NCOR1: variants seen among roughly 807,000 people sequenced by gnomAD.
The protein encoded by NCOR1 is protein phosphatase 1, regulatory subunit 109.
In NCOR1, 63 loss-of-function variants were observed where a neutral mutation model predicts 288.1. That is an observed-to-expected ratio of 0.22 (90% confidence interval 0.18 to 0.27). The LOEUF (loss-of-function observed/expected upper bound fraction) is 0.27. NCOR1 is among the 10% of genes least tolerant of loss of function. NCOR1 has a pLI of 1.00. For missense variants in NCOR1, 2,397 were observed against 3,019.2 expected (o/e 0.79, Z 4.83); for synonymous variants, 1,007 against 1,065.9 (o/e 0.94, Z 1.08).
intron 6 of NCOR1, among the ~76,000 whole-genome samples, chr17:16,158,335 A>G (rs1367503033): frequency 1.3e-5 from 2 of 152,186 alleles, no homozygotes; most frequent in East Asian, 3.9e-4. Context: ...TAATGCTGAT[A>G]AGAAAGTTCA....
intron 12 of NCOR1, 43 bp from the exon 13 acceptor site, chr17:16,138,255 T>C (rs753890546): frequency 2.0e-6 from 3 of 1,525,006 alleles, no homozygotes; most frequent in Admixed American, 1.9e-5. Context: ...GTACAAATAT[T>C]TCAACAACTA....
intron 42 of NCOR1, 197 bp from the exon 43 acceptor site, chr17:16,040,691 AT>A (rs1597672566): frequency 6.6e-6 from 4 of 604,020 alleles, no homozygotes; most frequent in Middle Eastern, 4.6e-4. Context: ...TGCCCAGGCT[AT>A]TTTTAAAGGG....
intron 26 of NCOR1, among the ~76,000 whole-genome samples, chr17:16,078,159 A>G (rs1037146730): frequency 6.6e-6 from 1 of 152,216 alleles, no homozygotes; most frequent in African/African-American, 2.4e-5. Flanking sequence ...GCATTTTGCA[A>G]GAGAGAGCAG....
chr17:16,138,264 TA>T (rs750309864), intron 12 of NCOR1, 52 bp from the exon 13 acceptor site: 60,542 of 1,098,272 alleles, frequency 0.055, no homozygotes, highest in Non-Finnish European at 0.058. Context: ...TTTCAACAAC[TA>T]AAAAAAAAAA....
Position 16,085,003 on chromosome 17 carries a change from A to G in NCOR1, c.3177+1279T>C, listed in dbSNP as rs118114849. Among the ~76,000 whole-genome samples the G allele has an allele frequency of 6.7e-3, 1,022 of 152,344 alleles. 3 individuals carry two copies. Among genetic ancestry groups the G allele is most frequent in the Middle Eastern group, 0.017 (5 of 294 alleles). On this transcript the variant is annotated intron_variant, in intron 23 of 45. Transcript: ENST00000268712. ...CTTCTCATCAAAATACCAGTAAGAA[A>G]ATAAACAGACAAAAAACAGAGAAAA...
At chr17:16,145,843 G>A (rs2077893802) in intron 10 of NCOR1, among the ~76,000 whole-genome samples, 1 of 152,162 alleles carries the variant, frequency 6.6e-6, no homozygotes, top group African/African-American at 2.4e-5. Flanking sequence ...TGGCGGTTTT[G>A]TCGACTAGAG....
At chr17:16,060,093 G>T (rs1446649252) in intron 37 of NCOR1, among the ~76,000 whole-genome samples, 3 of 152,128 alleles carry the variant, frequency 2.0e-5, no homozygotes, top group Admixed American at 1.3e-4. Flanking sequence ...GCCTTAAGGG[G>T]CAAGACTATG....
intron 5 of NCOR1, among the ~76,000 whole-genome samples, chr17:16,159,379 C>G (rs902973582): frequency 7.3e-6 from 1 of 136,926 alleles, no homozygotes; most frequent in Non-Finnish European, 1.5e-5. Flanking sequence ...CGCCACTGCA[C>G]TCCAGCCTGG....
intron 40 of NCOR1, among the ~76,000 whole-genome samples, chr17:16,056,298 T>TTTA (rs2059907938): frequency 6.7e-6 from 1 of 148,528 alleles, no homozygotes; most frequent in African/African-American, 2.5e-5. Flanking sequence ...GTTCTCAGCA[T>TTTA]TCTTTTTATC....
chr17:16,199,709 C>G (rs1325168636), intron 1 of NCOR1, among the ~76,000 whole-genome samples: 2 of 152,172 alleles, frequency 1.3e-5, no homozygotes, highest in Non-Finnish European at 2.9e-5. Flanking sequence ...CACCAAAACT[C>G]ATTAACTCAG....
chr17:16,167,053 C>T (rs930006195), intron 4 of NCOR1, among the ~76,000 whole-genome samples: 1 of 150,658 alleles, frequency 6.6e-6, no homozygotes, highest in Non-Finnish European at 1.5e-5. Context: ...ATCATTCTCC[C>T]ACTATATGCA....
intron 3 of NCOR1, among the ~76,000 whole-genome samples, chr17:16,181,092 GAGGTTGC>G (rs1432155853): frequency 6.6e-6 from 1 of 152,108 alleles, no homozygotes; most frequent in Non-Finnish European, 1.5e-5. Flanking sequence ...CCAGGAGGTG[GAGGTTGC>G]AGTGAACCAA....
intron 42 of NCOR1, 170 bp from the exon 43 acceptor site, chr17:16,040,664 A>G (rs1264836306): frequency 4.6e-6 from 3 of 653,530 alleles, no homozygotes; most frequent in South Asian, 3.3e-5. Context: ...TTTTTTTGAG[A>G]CAGGGTCTCA....
intron 18 of NCOR1, among the ~76,000 whole-genome samples, chr17:16,110,890 T>C (rs2069970787): frequency 6.6e-6 from 1 of 152,238 alleles, no homozygotes; most frequent in Admixed American, 6.5e-5. Context: ...TGCAAGAGAA[T>C]CCCAGAGACA....
At chr17:16,188,452 A>G (rs9894424) in intron 2 of NCOR1, among the ~76,000 whole-genome samples, 84 of 151,918 alleles carry the variant, frequency 5.5e-4, no homozygotes, top group African/African-American at 1.9e-3. Context: ...TCCACTAAAA[A>G]CACAAAAAAT....
chr17:16,112,137 G>GA (rs1645353382), intron 18 of NCOR1, among the ~76,000 whole-genome samples: 1 of 152,116 alleles, frequency 6.6e-6, no homozygotes, highest in African/African-American at 2.4e-5. Flanking sequence ...CCAAAGTGCT[G>GA]AGATTACAGG....
rs144323859 is a variant in NCOR1 at position 16,204,371 on chromosome 17, A to C, written c.-70-9732T>G. ...ATGGATCAAAGAATTAGAAGTTTTA[A>C]AAAGAGAAGGAAAAGGAGAAAAAGA... is the stretch of plus-strand genomic sequence containing the variant. On this transcript the variant is annotated intron_variant, in intron 1 of 45. Transcript: ENST00000268712. Among the ~76,000 whole-genome samples the C allele has an allele frequency of 4.0e-3, 603 of 152,342 alleles. 8 individuals carry two copies. The highest frequency in any genetic ancestry group is 0.013 in the African/African-American group (561 of 41,578).
chr17:16,062,363 T>C, intron 35 of NCOR1, 93 bp from the exon 36 acceptor site: 1 of 1,237,984 alleles, frequency 8.1e-7, no homozygotes, highest in Non-Finnish European at 1.1e-6. Context: ...TTTCCTAACA[T>C]ACCTAAATAG....
intron 10 of NCOR1, 141 bp downstream of exon 10, chr17:16,146,235 T>C (rs1396608792): frequency 2.9e-6 from 2 of 691,802 alleles, no homozygotes; most frequent in Non-Finnish European, 4.6e-6. Context: ...TTCCCTCCAC[T>C]ATTGTCCTAT....
Sources: allele counts gnomAD v4.1 joint callset (sites outside exome capture counted in the v4.1 genomes callset), GRCh38; gene constraint gnomAD v4.1.1; transcripts MANE v1.5; gene names NCBI Gene and HGNC (gene_info 2026-07-23, HGNC 2026-07-21).